ATP10D: variants seen among roughly 807,000 people sequenced by gnomAD.
ATP10D encodes the protein ATPase phospholipid transporting 10D (putative).
A neutral mutation model predicts 144.8 loss-of-function variants in ATP10D; 89 were observed. The observed-to-expected ratio is 0.61, with a 90% confidence interval of 0.52 to 0.73. The LOEUF is 0.73. Among genes scored for constraint, ATP10D ranks in the 30% least tolerant of loss-of-function variants. The pLI, the probability that ATP10D is intolerant of heterozygous loss-of-function variation, is 0.00. For missense variants in ATP10D, 1,603 were observed against 1,714.8 expected, an observed-to-expected ratio of 0.93 and a Z score of 1.15; for synonymous variants, 571 against 615.1, an observed-to-expected ratio of 0.93 and a Z score of 1.06.
chr4:47,587,085 G>A lies in ATP10D; in HGVS notation c.3820G>A (p.Gly1274Arg). 1 of 1,614,030 alleles carries A rather than the reference G, an allele frequency of 6.2e-7. No homozygotes were observed. Among genetic ancestry groups the A allele is most frequent in the Non-Finnish European group, 8.5e-7 (1 of 1,179,936 alleles). Reference sequence around the variant, plus strand: ...TTATTTTTTATTTGCCATAGTTTTTGGAGCCATGTGTGTAACTTGCAACCC... The same window carrying A: ...TTATTTTTTATTTGCCATAGTTTTTAGAGCCATGTGTGTAACTTGCAACCC... ...LSYFLFAIVF[G>R]AMCVTCNPPS... Residue 1274 changes from glycine to arginine, a missense_variant, in exon 22 of 23, where the codon GGA (glycine) becomes AGA (arginine). Gly to Arg is a moderately radical substitution (Grantham distance 125, BLOSUM62 -2). Coordinates refer to ENST00000273859, the MANE Select transcript of ATP10D (RefSeq NM_020453.4).
chr4:47,517,232 G>T (rs1168233443), intron 3 of ATP10D, among the ~76,000 whole-genome samples: 1 of 152,036 alleles, frequency 6.6e-6, no homozygotes, highest in Non-Finnish European at 1.5e-5. Context: ...TGGGCAACAT[G>T]GCAAAATCCT....
rs1720267084 is a variant in ATP10D, at chr4:47,576,853, C to T, written c.3447C>T (p.Ile1149=). Residue 1149 remains isoleucine (I), a synonymous_variant, in exon 19 of 23, where the codon ATC becomes ATT. Transcript: ENST00000273859. ...CCATGACTGATTACTGGGTTTTGAT[C>T]TTCTTCAACCTCCTCTTCACATCTG... ...GTSMTDYWVL[I]FFNLLFTSAP... is the part of the protein sequence containing the mutation. 6.2e-7 allele frequency: 1 copy of T among 1,614,166 alleles called. No individual in the cohort carries two copies. Among genetic ancestry groups the T allele is most frequent in the Non-Finnish European group, 8.5e-7 (1 of 1,180,020 alleles).
At chr4:47,553,161 C>A (rs188643189) in intron 10 of ATP10D, among the ~76,000 whole-genome samples, 12 of 152,320 alleles carry the variant, frequency 7.9e-5, no homozygotes, top group Non-Finnish European at 1.8e-4. Flanking sequence ...GTCTCTCCAA[C>A]TTTACCACTT....
chr4:47,527,934 A>G lies in ATP10D; in HGVS notation c.776+2292A>G, dbSNP rs75881829. Reference sequence around the variant, plus strand: ...AATATTTGTCCATTCTATGACCTGTATACAATGCTCATAGCAGCTTTATTT... The same window carrying G: ...AATATTTGTCCATTCTATGACCTGTGTACAATGCTCATAGCAGCTTTATTT... On this transcript the variant is annotated intron_variant, in intron 5 of 22. Coordinates refer to ENST00000273859, the MANE Select transcript of ATP10D (RefSeq NM_020453.4). 3.0e-3 allele frequency among the ~76,000 whole-genome samples: 456 copies of G among 152,292 alleles called. 3 individuals are homozygous for G. Among genetic ancestry groups the G allele is most frequent in the African/African-American group, 0.01 (419 of 41,592 alleles).
At chr4:47,533,296 A>G (rs1560428916) in intron 5 of ATP10D, among the ~76,000 whole-genome samples, 1 of 152,152 alleles carries the variant, frequency 6.6e-6, no homozygotes, top group Non-Finnish European at 1.5e-5. Flanking sequence ...CCTCATCTGT[A>G]AAACGAAAAA....
At chr4:47,524,703 C>T (rs1327593179) in intron 4 of ATP10D, among the ~76,000 whole-genome samples, 1 of 152,136 alleles carries the variant, frequency 6.6e-6, no homozygotes, top group Non-Finnish European at 1.5e-5. Flanking sequence ...GTGTCTCTTT[C>T]CTCATCTGTT....
chr4:47,533,119 A>G (rs1717653525), intron 5 of ATP10D, among the ~76,000 whole-genome samples: 1 of 152,190 alleles, frequency 6.6e-6, no homozygotes, highest in Non-Finnish European at 1.5e-5. Flanking sequence ...TTCAGGGGAA[A>G]AAATCTTAAT....
intron 1 of ATP10D, among the ~76,000 whole-genome samples, chr4:47,494,156 T>C (rs1715229454): frequency 6.6e-6 from 1 of 152,172 alleles, no homozygotes; most frequent in Non-Finnish European, 1.5e-5. Flanking sequence ...ACAGATTCCC[T>C]TTAAAAAAAC....
rs1716591492 is a variant in ATP10D, at chr4:47,515,562, C to T, written c.377C>T (p.Pro126Leu). 1.2e-6 allele frequency: 2 copies of T among 1,613,098 alleles called. No individual in the cohort carries two copies. The highest frequency in any genetic ancestry group is 1.7e-6 in the Non-Finnish European group (2 of 1,179,146). ...EAFQKEITMLPLVVVLTIIAI... is the reference protein window; with the variant it reads ...EAFQKEITMLLLVVVLTIIAI... ...TTCCAAAAGGAAATCACCATGTTGC[C>T]TCTGGTGGTGGTCCTTACAATTATC... The change falls in exon 3 of 23, where the codon CCT (proline) becomes CTT (leucine). Residue 126 changes from proline (P) to leucine (L), a missense_variant. Transcript: ENST00000273859.
chr4:47,513,173 G>A (rs552976960), intron 2 of ATP10D, among the ~76,000 whole-genome samples: 1 of 152,272 alleles, frequency 6.6e-6, no homozygotes, highest in East Asian at 1.9e-4. Flanking sequence ...TTCTTTCCAT[G>A]AAACCACGCG....
chr4:47,521,703 C>T (rs1398755487), intron 3 of ATP10D, among the ~76,000 whole-genome samples: 1 of 152,084 alleles, frequency 6.6e-6, no homozygotes, highest in Non-Finnish European at 1.5e-5. Flanking sequence ...AAAATAATAC[C>T]CCTGCCTACC....
chr4:47,533,502 A>G (rs935609920), intron 5 of ATP10D, among the ~76,000 whole-genome samples: 1 of 152,134 alleles, frequency 6.6e-6, no homozygotes, highest in Admixed American at 6.6e-5. Flanking sequence ...TTTTATTTTA[A>G]TTGTAATTTC....
rs1412158173 is a variant in ATP10D at position 47,592,796 on chromosome 4, CT to C, written c.*1418del. On this transcript the variant is annotated 3_prime_UTR_variant, in exon 23 of 23. Coordinates refer to ENST00000273859, the MANE Select transcript of ATP10D (RefSeq NM_020453.4). ...CTCTTACATAAGCTGATTTCGAGAA[CT>C]TTCAAAATCTCACATAGCTAATGGA... is the stretch of plus-strand genomic sequence containing the variant. 5.2e-5 allele frequency: 8 copies of C among 152,540 alleles called. No homozygotes were observed. The highest frequency in any genetic ancestry group is 1.4e-4 in the African/African-American group (6 of 41,450). The allele number at this position is 152,540 out of a possible 1,614,324, so 9.4% of individuals were successfully genotyped here.
Position 47,554,767 on chromosome 4 carries a change from TAGTC to T in ATP10D, c.1680_1683del (p.Ser560ArgfsTer10), listed in dbSNP as rs1382235784. ...CAGACACCAGGCTTTTAGACAAATT[TAGTC>T]AGATTACACCTCGGCTCTTTATGCC... On this transcript the variant is annotated frameshift_variant, in exon 11 of 23. Coordinates refer to ENST00000273859, the MANE Select transcript of ATP10D (RefSeq NM_020453.4). LOFTEE classifies it high-confidence loss of function. 10 of 1,613,916 alleles carry T rather than the reference TAGTC, an allele frequency of 6.2e-6. No individual in the cohort carries two copies. The South Asian group carries it at 9.9e-5, about 16-fold the overall frequency.
At chr4:47,503,113 G>A (rs1203484423) in intron 1 of ATP10D, among the ~76,000 whole-genome samples, 1 of 152,086 alleles carries the variant, frequency 6.6e-6, no homozygotes, top group Admixed American at 6.6e-5. Flanking sequence ...GAGGCAGGAG[G>A]ATCACTTGAA....
intron 5 of ATP10D, among the ~76,000 whole-genome samples, chr4:47,527,691 T>C (rs1266154904): frequency 6.6e-6 from 1 of 152,096 alleles, no homozygotes; most frequent in East Asian, 1.9e-4. Flanking sequence ...AAGATGCAGG[T>C]TAAACCACAG....
intron 7 of ATP10D, 127 bp from the exon 8 acceptor site, chr4:47,536,310 T>C: frequency 7.9e-7 from 1 of 1,272,944 alleles, no homozygotes; most frequent in Non-Finnish European, 1.1e-6. Context: ...TGAATTTTGT[T>C]TCCAAAAACA....
At chr4:47,515,212 C>T (rs1399923471) in intron 2 of ATP10D, among the ~76,000 whole-genome samples, 3 of 152,104 alleles carry the variant, frequency 2.0e-5, no homozygotes, top group South Asian at 2.1e-4. Flanking sequence ...CTGCCCGCCT[C>T]GGCCTCCCAA....
chr4:47,580,399 C>T lies in ATP10D; in HGVS notation c.3569C>T (p.Ala1190Val). 1 of 1,611,758 alleles carries T rather than the reference C, an allele frequency of 6.2e-7. No homozygotes were observed. The highest frequency in any genetic ancestry group is 8.5e-7 in the Non-Finnish European group (1 of 1,177,962). ...CCCCGTTATCTGCTTCATTTCTAGG[C>T]ATACTTACCCCATACCTTCTGGATC... ...ELYRSGQKSEAYLPHTFWITL... is the reference protein window; with the variant it reads ...ELYRSGQKSEVYLPHTFWITL... The change falls in exon 20 of 23, where the codon GCA becomes GTA. Residue 1190 changes from alanine (A) to valine (V), a missense_variant and splice_region_variant. Coordinates refer to ENST00000273859, the MANE Select transcript of ATP10D (RefSeq NM_020453.4).
Sources: gnomAD v4.1 joint callset for allele counts (sites outside exome capture counted in the v4.1 genomes callset) on GRCh38, gnomAD v4.1.1 for gene constraint, MANE v1.5 for transcripts, NCBI Gene and HGNC (gene_info 2026-07-23, HGNC 2026-07-21) for gene names.